LAMA2: variants seen among roughly 807,000 people sequenced by gnomAD.
LAMA2 encodes the protein laminin subunit alpha 2.
In LAMA2, 269 loss-of-function variants were observed where a neutral mutation model predicts 364.8. That is an observed-to-expected ratio of 0.74 (90% CI 0.67 to 0.82). The LOEUF is 0.82. Ranked by LOEUF, LAMA2 falls within the 40% of genes least tolerant of loss-of-function variation. The pLI is 0.00. For missense variants in LAMA2, 3,807 were observed against 3,873.2 expected (o/e 0.98, Z 0.45); for synonymous variants, 1,379 against 1,370.6 (o/e 1.01, Z -0.14).
intron 62 of LAMA2, among the ~76,000 whole-genome samples, chr6:129,508,239 A>ATT (rs1786267110): frequency 4.3e-5 from 1 of 23,282 alleles, no homozygotes; most frequent in Non-Finnish European, 1.6e-4. Context: ...TTAATTTTTA[A>ATT]TTTTTGTGGG....
At chr6:129,211,377 ACT>A (rs1284346474) in intron 12 of LAMA2, among the ~76,000 whole-genome samples, 2 of 151,964 alleles carry the variant, frequency 1.3e-5, no homozygotes, top group Non-Finnish European at 2.9e-5. Context: ...AAACCATCTA[ACT>A]CTTTTTCTAC....
chr6:128,975,150 C>T (rs1180660636), intron 1 of LAMA2, among the ~76,000 whole-genome samples: 1 of 152,004 alleles, frequency 6.6e-6, no homozygotes, highest in Non-Finnish European at 1.5e-5. Context: ...TCGCGCCTGG[C>T]CATGAGTAAC....
chr6:129,345,395 C>T (rs1470771924), intron 30 of LAMA2, among the ~76,000 whole-genome samples: 2 of 152,030 alleles, frequency 1.3e-5, no homozygotes, highest in African/African-American at 4.8e-5. Flanking sequence ...TTTTGACCAT[C>T]AATAATGAAA....
At chr6:129,476,435 G>T (rs528866709) in intron 53 of LAMA2, among the ~76,000 whole-genome samples, 1 of 152,280 alleles carries the variant, frequency 6.6e-6, no homozygotes, top group South Asian at 2.1e-4. Context: ...TTCTGGGATG[G>T]CACTGTGTAG....
At chr6:129,415,767 GC>G (rs1430292085) in intron 40 of LAMA2, among the ~76,000 whole-genome samples, 3 of 151,976 alleles carry the variant, frequency 2.0e-5, no homozygotes, top group Admixed American at 1.3e-4. Flanking sequence ...GATCCCCTGA[GC>G]CTGGGAAGTC....
chr6:129,173,763 A>C (rs1049476356), intron 9 of LAMA2, among the ~76,000 whole-genome samples: 1 of 152,010 alleles, frequency 6.6e-6, no homozygotes, highest in Non-Finnish European at 1.5e-5. Context: ...CATGGTTTGC[A>C]CTTCTTCATC....
chr6:128,933,266 CTGTGTGTCTGTGTA>C (rs1779608542), intron 1 of LAMA2, among the ~76,000 whole-genome samples: 1 of 132,786 alleles, frequency 7.5e-6, no homozygotes, highest in Non-Finnish European at 1.7e-5. Flanking sequence ...GTGTGTGTGT[CTGTGTGTCTGTGTA>C]TGTGTGTATA....
chr6:129,068,194 T>C (rs531192694), intron 3 of LAMA2, among the ~76,000 whole-genome samples: 48 of 152,352 alleles, frequency 3.2e-4, no homozygotes, highest in African/African-American at 1.1e-3. Context: ...AAGAATCTTA[T>C]TGAATCTGAG....
At chr6:128,922,079 T>G (rs1418191540) in intron 1 of LAMA2, among the ~76,000 whole-genome samples, 6 of 152,154 alleles carry the variant, frequency 3.9e-5, no homozygotes, top group Non-Finnish European at 5.9e-5. Flanking sequence ...GGTGTATATG[T>G]GCCACATTTT....
intron 9 of LAMA2, among the ~76,000 whole-genome samples, chr6:129,173,452 C>T (rs1222747688): frequency 6.6e-6 from 1 of 152,038 alleles, no homozygotes; most frequent in African/African-American, 2.4e-5. Context: ...TCTTGAGGTC[C>T]TACTATATAA....
At chr6:129,109,659 A>G (rs1410683855) in intron 4 of LAMA2, among the ~76,000 whole-genome samples, 2 of 152,098 alleles carry the variant, frequency 1.3e-5, no homozygotes, top group Non-Finnish European at 2.9e-5. Flanking sequence ...ATAGGTAATT[A>G]TATCAATATT....
At chr6:128,926,867 A>G (rs1779136332) in intron 1 of LAMA2, among the ~76,000 whole-genome samples, 1 of 152,242 alleles carries the variant, frequency 6.6e-6, no homozygotes, top group Admixed American at 6.5e-5. Flanking sequence ...ACATTGTGAA[A>G]CAAATTCCAG....
chr6:129,419,842 C>T (rs1780985353), intron 40 of LAMA2, among the ~76,000 whole-genome samples: 1 of 152,014 alleles, frequency 6.6e-6, no homozygotes, highest in Admixed American at 6.6e-5. Context: ...GATTTTTGAC[C>T]AAAGCCGTCT....
rs2114356949 is a variant in LAMA2, at chr6:128,883,213, T to C, written c.-33T>C. On this transcript the variant is annotated 5_prime_UTR_variant, in exon 1 of 65. Transcript: ENST00000421865. ...ACAGGGCGGCAGCGACTCCTCTGGC[T>C]CCCGAGAAGTGGATCCGGTCGCGGC... The C allele has an allele frequency of 6.5e-7, 1 of 1,544,764 alleles. No homozygotes were observed. The highest frequency in any genetic ancestry group is 1.2e-5 in the South Asian group (1 of 84,000).
Position 129,503,289 on chromosome 6 carries a change from C to A in LAMA2, c.8547+9C>A. 1 of 1,610,824 alleles carries A rather than the reference C, an allele frequency of 6.2e-7. No individual in the cohort carries two copies. Among genetic ancestry groups the A allele is most frequent in the Non-Finnish European group, 8.5e-7 (1 of 1,177,902 alleles). On this transcript the variant is annotated intron_variant, in intron 60 of 64. Coordinates refer to ENST00000421865, the MANE Select transcript of LAMA2 (RefSeq NM_000426.4). ...ATGGCCAGTGGCACAAGGTAATAGT[C>A]CCCTGGATATTGGCAGTACCCTAAG...
chr6:129,144,067 T>C lies in LAMA2; in HGVS notation c.806T>C (p.Ile269Thr). 3 of 1,611,812 alleles carry C rather than the reference T, an allele frequency of 1.9e-6. No individual in the cohort carries two copies. In the African/African-American group the frequency reaches 4.0e-5, roughly 22 times the overall value. ...AAAGACCCAAGAGAAATTGACCCCA[T>C]TGTCACCAGAAGAGTAAGTTATGAT... ...AHKDPREIDP[I>T]VTRRYYYSVK... The change falls in exon 5 of 65, where the codon ATT becomes ACT. Residue 269 changes from isoleucine (I) to threonine (T), a missense_variant. Coordinates refer to ENST00000421865, the MANE Select transcript of LAMA2 (RefSeq NM_000426.4).
At chr6:129,020,243 G>A (rs1785361207) in intron 1 of LAMA2, among the ~76,000 whole-genome samples, 1 of 152,128 alleles carries the variant, frequency 6.6e-6, no homozygotes, top group Admixed American at 6.5e-5. Context: ...CTCCAGAATG[G>A]TAATCTCCAT....
chr6:128,884,031 G>C (rs1776003262), intron 1 of LAMA2, among the ~76,000 whole-genome samples: 2 of 151,968 alleles, frequency 1.3e-5, no homozygotes, highest in African/African-American at 2.4e-5. Context: ...AAATACAGAG[G>C]AGACTTCTAT....
chr6:129,050,347 T>C (rs1029960347), intron 2 of LAMA2, among the ~76,000 whole-genome samples: 1 of 152,216 alleles, frequency 6.6e-6, no homozygotes, highest in African/African-American at 2.4e-5. Context: ...TAACTCCAGA[T>C]ACCAAAGTGG....
Sources: gnomAD v4.1 joint callset for allele counts (sites outside exome capture counted in the v4.1 genomes callset) on GRCh38, gnomAD v4.1.1 for gene constraint, MANE v1.5 for transcripts, NCBI Gene and HGNC (gene_info 2026-07-23, HGNC 2026-07-21) for gene names.